The following FAM184B variants were observed in gnomAD, a reference collection of about 807,000 sequenced individuals.
The protein encoded by FAM184B is protein FAM184B.
FAM184B carries 111 observed loss-of-function variants against 135.9 expected under a neutral mutation model. The ratio of observed to expected loss-of-function variants is 0.82; its 90% CI spans 0.70 to 0.96. The LOEUF (loss-of-function observed/expected upper bound fraction) is 0.96, where lower values mean the gene tolerates loss of function less well. Ranked by LOEUF, FAM184B falls within the 40% of genes least tolerant of loss-of-function variation. The probability of loss-of-function intolerance (pLI) is 0.00; values close to 1 mark genes in which losing one functional copy is unlikely to be tolerated. For missense variants in FAM184B, 1,375 were observed against 1,323.9 expected, an observed-to-expected ratio of 1.04 and a Z score of -0.60; for synonymous variants, 552 against 524.8, an observed-to-expected ratio of 1.05 and a Z score of -0.71.
At chr4:17,739,555 G>GTTTTTTTTTGTTTTTTTTTT (rs1553841417) in intron 1 of FAM184B, among the ~76,000 whole-genome samples, 1 of 62,510 alleles carries the variant, frequency 1.6e-5, no homozygotes, top group African/African-American at 6.2e-5. Flanking sequence ...CATACCAACT[G>GTTTTTTTTTGTTTTTTTTTT]TTTTTTTTTT....
intron 1 of FAM184B, among the ~76,000 whole-genome samples, chr4:17,745,520 T>C (rs1718140192): frequency 6.6e-6 from 1 of 152,242 alleles, no homozygotes. Context: ...TTTACTGGCC[T>C]GGCCAAGACC....
At chr4:17,702,095 A>G (rs1716999601) in intron 5 of FAM184B, among the ~76,000 whole-genome samples, 1 of 152,184 alleles carries the variant, frequency 6.6e-6, no homozygotes, top group Admixed American at 6.5e-5. Context: ...AGGTGGCAGC[A>G]TAGGTGTTCT....
intron 1 of FAM184B, among the ~76,000 whole-genome samples, chr4:17,752,058 C>G (rs960152567): frequency 1.3e-5 from 2 of 151,776 alleles, no homozygotes; most frequent in Non-Finnish European, 2.9e-5. Context: ...GAATTCCAAG[C>G]CCACCATGGA....
At chr4:17,644,123 C>T (rs1014886441) in intron 12 of FAM184B, among the ~76,000 whole-genome samples, 2 of 152,108 alleles carry the variant, frequency 1.3e-5, no homozygotes, top group African/African-American at 2.4e-5. Context: ...GTTTATGAGC[C>T]GCAGGGAATA....
At chr4:17,733,020 G>A (rs1403100101) in intron 1 of FAM184B, among the ~76,000 whole-genome samples, 2 of 152,174 alleles carry the variant, frequency 1.3e-5, no homozygotes, top group East Asian at 1.9e-4. Context: ...TGGGATGCAA[G>A]GCTGGTTCAA....
rs145375262 is a variant in FAM184B at position 17,731,019 on chromosome 4, C to T, written c.142-21375G>A. On this transcript the variant is annotated intron_variant, in intron 1 of 17. Transcript: ENST00000265018. Reference sequence around the variant, plus strand: ...AAGACGAAATGAATGAAATGAAGCGCGAAGGGAAGTTTAGAGAAAAAAGAA... The same window carrying T: ...AAGACGAAATGAATGAAATGAAGCGTGAAGGGAAGTTTAGAGAAAAAAGAA... Among the ~76,000 whole-genome samples, 54 of 151,748 alleles carry T rather than the reference C, an allele frequency of 3.6e-4. No homozygotes were observed. The South Asian group carries it at 4.4e-3, about 12-fold the overall frequency.
At chr4:17,743,069 T>G (rs745941890) in intron 1 of FAM184B, among the ~76,000 whole-genome samples, 1 of 152,156 alleles carries the variant, frequency 6.6e-6, no homozygotes, top group Non-Finnish European at 1.5e-5. Flanking sequence ...CTTGCATGCT[T>G]CCTCCTGTGA....
intron 16 of FAM184B, 155 bp from the exon 17 acceptor site, chr4:17,634,043 T>C (rs534442383): frequency 3.9e-6 from 2 of 518,642 alleles, no homozygotes; most frequent in South Asian, 4.9e-5. Context: ...TAAAGCACTT[T>C]TCCCTCCAAT....
chr4:17,779,545 A>G (rs1718994470), intron 1 of FAM184B, among the ~76,000 whole-genome samples: 1 of 152,178 alleles, frequency 6.6e-6, no homozygotes, highest in Admixed American at 6.5e-5. Context: ...AATGATTGCT[A>G]TTTTATATTG....
At chr4:17,691,685 C>CAAA (rs56857959) in intron 6 of FAM184B, among the ~76,000 whole-genome samples, 1 of 92,490 alleles carries the variant, frequency 1.1e-5, no homozygotes, top group Non-Finnish European at 2.1e-5. Context: ...GATTCCATCT[C>CAAA]AAAAAAAAAA....
At chr4:17,748,102 T>TG (rs1718212995) in intron 1 of FAM184B, among the ~76,000 whole-genome samples, 2 of 34,030 alleles carry the variant, frequency 5.9e-5, no homozygotes. Flanking sequence ...AGACTCCGTC[T>TG]GAAAAAAAAA....
intron 8 of FAM184B, among the ~76,000 whole-genome samples, chr4:17,663,701 T>C (rs1331550289): frequency 6.6e-6 from 1 of 151,870 alleles, no homozygotes; most frequent in Admixed American, 6.6e-5. Context: ...GTCAAGCTCA[T>C]GTAAGTCCTG....
In FAM184B at chr4:17,641,461, CTTTTTTTTTTTTTTTT is replaced by C. The variant is rs71167316; in HGVS notation, c.2519+579_2519+594del. 1.4e-3 allele frequency among the ~76,000 whole-genome samples: 64 copies of C among 45,696 alleles called. 1 individual carries two copies. The South Asian group carries it at 0.048, about 34-fold the overall frequency. The allele number at this position is 45,696 out of a possible 152,430, so 30.0% of individuals were successfully genotyped here. On this transcript the variant is annotated intron_variant, in intron 13 of 17. Transcript: ENST00000265018. Reference sequence around the variant, plus strand: ...TGCAGGGAAACAAACAGGACTCCCTCTTTTTTTTTTTTTTTTTTTTTTTTTTTTTTTTTTTGAGACG... The same window carrying C: ...TGCAGGGAAACAAACAGGACTCCCTCTTTTTTTTTTTTTTTTTTTGAGACG...
chr4:17,672,299 C>G (rs1371842492), intron 7 of FAM184B, among the ~76,000 whole-genome samples: 1 of 152,128 alleles, frequency 6.6e-6, no homozygotes. Context: ...TGGGAAAACC[C>G]TCCTTCAAAA....
Position 17,656,726 on chromosome 4 carries a change from T to C in FAM184B, c.2037+1624A>G, listed in dbSNP as rs1341280438. Among the ~76,000 whole-genome samples the C allele has an allele frequency of 1.3e-5, 2 of 152,178 alleles. 1 individual carries two copies. The highest frequency in any genetic ancestry group is 3.8e-4 in the East Asian group (2 of 5,198). ...TTTCTTTTTTTTAAAGCTTCTCTTATATTCTTATCAGGGGAATATGTGCAG... is the reference window on the plus strand; with the variant it reads ...TTTCTTTTTTTTAAAGCTTCTCTTACATTCTTATCAGGGGAATATGTGCAG... On this transcript the variant is annotated intron_variant, in intron 10 of 17. Coordinates refer to ENST00000265018, the MANE Select transcript of FAM184B (RefSeq NM_015688.2).
chr4:17,639,299 T>C lies in FAM184B; in HGVS notation c.2617A>G (p.Ser873Gly), dbSNP rs1285972707. 6.4e-7 allele frequency: 1 copy of C among 1,551,740 alleles called. No homozygotes were observed. The highest frequency in any genetic ancestry group is 8.7e-7 in the Non-Finnish European group (1 of 1,147,008). The change falls in exon 14 of 18, where the codon AGT becomes GGT. Residue 873 changes from serine (S) to glycine (G), a missense_variant. Physicochemically the swap from Ser to Gly is moderately conservative, Grantham distance 56. Transcript: ENST00000265018. ...KEMQAMVADF[S>G]SAQAQLQARL... ...GCCTGGAGCTGGGCCTGGGCACTAC[T>C]GAAATCTGCCACCATGGCCTGCATC...
rs778131248 is a variant in FAM184B at position 17,649,887 on chromosome 4, T to TCCATCCATCCATCCAC, written c.2192-2097_2192-2096insGTGGATGGATGGATGG. Reference sequence around the variant, plus strand: ...ACCCACTCATCCATCCATCCACCCATCTATCTGTCTACCCATCTGTCCATC... The same window carrying TCCATCCATCCATCCAC: ...ACCCACTCATCCATCCATCCACCCATCCATCCATCCATCCACCTATCTGTCTACCCATCTGTCCATC... On this transcript the variant is annotated intron_variant, in intron 11 of 17. Coordinates refer to ENST00000265018, the MANE Select transcript of FAM184B (RefSeq NM_015688.2). Among the ~76,000 whole-genome samples, 117 of 148,808 alleles carry TCCATCCATCCATCCAC rather than the reference T, an allele frequency of 7.9e-4. No individual in the cohort carries two copies. In the East Asian group the frequency reaches 8.8e-3, roughly 11 times the overall value.
Position 17,781,060 on chromosome 4 carries a change from C to T in FAM184B, c.141+99G>A. 4 of 1,392,274 alleles carry T rather than the reference C, an allele frequency of 2.9e-6. No homozygotes were observed. The South Asian group carries it at 6.2e-5, about 22-fold the overall frequency. 86.2% of individuals were successfully genotyped at this position (1,392,274 alleles called of 1,614,324 possible). A position where few individuals can be genotyped will look rare whatever the true frequency, so the allele number is the denominator to read the frequency against. ...TTGGCCTCCGAGACAAAGTTTCTGT[C>T]TGGATTTGGCCCGGGCCTCCCGGGA... On this transcript the variant is annotated intron_variant, in intron 1 of 17. Transcript: ENST00000265018. The surrounding 1 kb of genome is among the most constrained non-coding windows in gnomAD (Gnocchi z 6.5).
At chr4:17,703,477 AAGAG>A (rs58935714) in intron 5 of FAM184B, among the ~76,000 whole-genome samples, 27 of 149,690 alleles carry the variant, frequency 1.8e-4, no homozygotes, top group Non-Finnish European at 3.8e-4. Flanking sequence ...CAGCCTGGGC[AAGAG>A]AGAGAGACCC....
Sources: gnomAD v4.1 joint callset for allele counts (sites outside exome capture counted in the v4.1 genomes callset) on GRCh38, gnomAD v4.1.1 for gene constraint, Gnocchi (gnomAD v3.1) non-coding constraint, MANE v1.5 for transcripts, NCBI Gene and HGNC (gene_info 2026-07-23, HGNC 2026-07-21) for gene names.